Variants in SYNJ1 observed in about 807,000 individuals in gnomAD.
SYNJ1 encodes synaptojanin 1, also known as polyphosphatidylinositol phosphatase SYNJ1.
A neutral mutation model predicts 168.2 loss-of-function variants in SYNJ1; 78 were observed. The ratio of observed to expected loss-of-function variants is 0.46; its 90% CI spans 0.39 to 0.56. The LOEUF is 0.56. SYNJ1 is among the 20% of genes least tolerant of loss of function. SYNJ1 has a pLI of 0.00. For missense variants in SYNJ1, 1,303 were observed against 1,597.6 expected, an observed-to-expected ratio of 0.82 and a Z score of 3.14; for synonymous variants, 539 against 548.6, an observed-to-expected ratio of 0.98 and a Z score of 0.24.
At chr21:32,715,377 G>A (rs556069996) in intron 2 of SYNJ1, among the ~76,000 whole-genome samples, 20 of 152,082 alleles carry the variant, frequency 1.3e-4, no homozygotes, top group African/African-American at 4.8e-4. Context: ...GGGATGCTGA[G>A]GCAGGAGAAT....
At chr21:32,661,387 T>C (rs1256520798) in intron 18 of SYNJ1, among the ~76,000 whole-genome samples, 1 of 152,188 alleles carries the variant, frequency 6.6e-6, no homozygotes, top group Non-Finnish European at 1.5e-5. Flanking sequence ...AATGCCAAAA[T>C]GTGAAGGTAA....
chr21:32,705,028 A>G (rs897065947), intron 2 of SYNJ1, among the ~76,000 whole-genome samples: 1 of 151,970 alleles, frequency 6.6e-6, no homozygotes, highest in Admixed American at 6.6e-5. Flanking sequence ...AGGCACATGT[A>G]GTCCCAGCTA....
chr21:32,670,947 C>CTTTCTCAGGCAGCT, intron 14 of SYNJ1: 1 of 411,090 alleles, frequency 2.4e-6, no homozygotes, highest in Non-Finnish European at 3.3e-6. Flanking sequence ...AACAGAGCTG[C>CTTTCTCAGGCAGCT]CTGAGAAAGC....
chr21:32,672,059 C>CAAAAAAAAAAAAAAAAAAAAAAAAAAAAA (rs1160074724), intron 14 of SYNJ1, among the ~76,000 whole-genome samples: 1 of 24,662 alleles, frequency 4.1e-5, no homozygotes, highest in African/African-American at 1.8e-4. Context: ...AACTCAATCT[C>CAAAAAAAAAAAAAAAAAAAAAAAAAAAAA]AAAAAAAAAA....
Position 32,695,075 on chromosome 21 carries a change from A to G in SYNJ1, c.687T>C (p.Asn229=). ...TATATACCTGTTCTGTTTCTACAAA[A>G]TTGGCAACATGACCATCATCATTTG... ...RGTNDDGHVA[N]FVETEQVVYL... Residue 229 remains asparagine (N), a synonymous_variant, in exon 5 of 33, where the codon AAT becomes AAC. Transcript: ENST00000674351. 6.2e-7 allele frequency: 1 copy of G among 1,614,172 alleles called. No individual in the cohort carries two copies. Among genetic ancestry groups the G allele is most frequent in the Non-Finnish European group, 8.5e-7 (1 of 1,180,018 alleles).
chr21:32,695,402 A>C, intron 4 of SYNJ1, 120 bp from the exon 5 acceptor site: 1 of 950,286 alleles, frequency 1.1e-6, no homozygotes, highest in Non-Finnish European at 1.5e-6. Flanking sequence ...CAAACAACAA[A>C]TCAATTCATT....
At chr21:32,668,009 ATGTGTGTG>A (rs3056370) in intron 15 of SYNJ1, among the ~76,000 whole-genome samples, 5,285 of 143,888 alleles carry the variant, frequency 0.037, 236 homozygotes, top group African/African-American at 0.11. Flanking sequence ...AAGAATATAT[ATGTGTGTG>A]TGTGTGTGTG....
At chr21:32,639,858 A>C in intron 29 of SYNJ1, 79 bp from the exon 30 acceptor site, 1 of 1,227,230 alleles carries the variant, frequency 8.1e-7, no homozygotes. Flanking sequence ...TTGCTTTTGC[A>C]TCTCATTTAC....
chr21:32,675,485 T>C (rs1293968244), intron 13 of SYNJ1, among the ~76,000 whole-genome samples: 1 of 152,188 alleles, frequency 6.6e-6, no homozygotes, highest in Non-Finnish European at 1.5e-5. Flanking sequence ...CAGAAAATGG[T>C]GTTCATTATA....
chr21:32,643,109 T>C (rs1239019516), intron 27 of SYNJ1, among the ~76,000 whole-genome samples: 1 of 152,212 alleles, frequency 6.6e-6, no homozygotes, highest in South Asian at 2.1e-4. Flanking sequence ...GAAAAGAATT[T>C]TGAAGACATT....
chr21:32,671,007 A>T (rs1022284384), intron 14 of SYNJ1, among the ~76,000 whole-genome samples: 14 of 152,110 alleles, frequency 9.2e-5, no homozygotes, highest in African/African-American at 3.4e-4. Flanking sequence ...GAGGACAAAT[A>T]GCTAGAAAGA....
chr21:32,681,834 G>A (rs565414307), intron 10 of SYNJ1, among the ~76,000 whole-genome samples, 186 bp from the exon 11 acceptor site: 7 of 152,052 alleles, frequency 4.6e-5, no homozygotes, highest in Non-Finnish European at 8.8e-5. Flanking sequence ...AACAAATACT[G>A]TATCAATGGA....
chr21:32,710,001 C>G (rs920968497), intron 2 of SYNJ1, among the ~76,000 whole-genome samples: 1 of 151,870 alleles, frequency 6.6e-6, no homozygotes, highest in African/African-American at 2.4e-5. Flanking sequence ...GAGTTTGAGA[C>G]TAGCCTGGCC....
Position 32,646,533 on chromosome 21 carries a change from G to T in SYNJ1, c.3107C>A (p.Ser1036Tyr). The change falls in exon 24 of 33, where the codon TCC becomes TAC. Residue 1036 changes from serine (S) to tyrosine (Y), a missense_variant. By Grantham distance (144) the Ser-to-Tyr change is moderately radical. Transcript: ENST00000674351. ...LPQHLQPSSS[S>Y]GLGTSPSSSP... ...AGAGCTGGGGGAAGTACCAAGGCCG[G>T]AACTTGAAGATGGCTGGAGATGCTG... is the stretch of plus-strand genomic sequence containing the variant. 6.2e-7 allele frequency: 1 copy of T among 1,614,120 alleles called. No individual in the cohort carries two copies.
At chr21:32,643,910 G>A (rs1379054346) in intron 26 of SYNJ1, among the ~76,000 whole-genome samples, 1 of 152,086 alleles carries the variant, frequency 6.6e-6, no homozygotes, top group Non-Finnish European at 1.5e-5. Context: ...CTATAATGAC[G>A]TAAAGGAATT....
chr21:32,631,168 T>A lies in SYNJ1; in HGVS notation c.*637A>T. ...CCTTTATTCCAGTCATCATTCAATG[T>A]CAGGTTGGAGCCAGAAAATGAACTT... is the stretch of plus-strand genomic sequence containing the variant. On this transcript the variant is annotated 3_prime_UTR_variant, in exon 33 of 33. Coordinates refer to ENST00000674351, the MANE Select transcript of SYNJ1 (RefSeq NM_203446.3). The A allele has an allele frequency of 6.2e-7, 1 of 1,614,194 alleles. No homozygotes were observed. The highest frequency in any genetic ancestry group is 8.5e-7 in the Non-Finnish European group (1 of 1,180,024).
At chr21:32,699,806 C>A in intron 4 of SYNJ1, 32 bp downstream of exon 4, 2 of 1,592,310 alleles carry the variant, frequency 1.3e-6, no homozygotes, top group South Asian at 1.1e-5. Context: ...ATATTATGTC[C>A]CAAATCACCA....
chr21:32,724,097 A>G (rs746277852), intron 2 of SYNJ1, among the ~76,000 whole-genome samples: 1 of 152,054 alleles, frequency 6.6e-6, no homozygotes, highest in Non-Finnish European at 1.5e-5. Flanking sequence ...GAAACACCAG[A>G]TCTCCTTAAA....
At chr21:32,648,702 C>T (rs554752593) in intron 23 of SYNJ1, among the ~76,000 whole-genome samples, 3 of 152,354 alleles carry the variant, frequency 2.0e-5, no homozygotes, top group African/African-American at 7.2e-5. Flanking sequence ...TCTGTCTCGT[C>T]ATAATCCTAT....
Sources: gnomAD v4.1 joint callset for allele counts (sites outside exome capture counted in the v4.1 genomes callset) on GRCh38, gnomAD v4.1.1 for gene constraint, MANE v1.5 for transcripts, NCBI Gene and HGNC (gene_info 2026-07-23, HGNC 2026-07-21) for gene names.